PTPRM: variants seen among roughly 807,000 people sequenced by gnomAD.
The protein encoded by PTPRM is protein tyrosine phosphatase receptor type M.
Under a neutral mutation model 186.7 loss-of-function variants are expected in PTPRM, and 47 were observed. The ratio of observed to expected loss-of-function variants is 0.25; its 90% CI spans 0.20 to 0.32. The LOEUF (loss-of-function observed/expected upper bound fraction) is 0.32. Ranked by LOEUF, PTPRM falls within the 10% of genes least tolerant of loss-of-function variation. The pLI is 1.00. For synonymous variants in PTPRM, 668 were observed against 674.9 expected (o/e 0.99, Z 0.16); for missense variants, 1,494 against 1,865.0 (o/e 0.80, Z 3.66).
intron 5 of PTPRM, among the ~76,000 whole-genome samples, chr18:7,943,849 C>A (rs2052352528): frequency 6.6e-6 from 1 of 152,200 alleles, no homozygotes; most frequent in Admixed American, 6.5e-5. Context: ...CTTTCCATCT[C>A]TAGACCCTTA....
At chr18:8,340,143 G>A (rs1264467630) in intron 22 of PTPRM, among the ~76,000 whole-genome samples, 4 of 152,188 alleles carry the variant, frequency 2.6e-5, no homozygotes, top group African/African-American at 2.4e-5. Context: ...CAGAAGGAAC[G>A]GCCGCCAAGT....
At chr18:8,363,235 G>A (rs2095607625) in intron 23 of PTPRM, among the ~76,000 whole-genome samples, 1 of 152,178 alleles carries the variant, frequency 6.6e-6, no homozygotes, top group Non-Finnish European at 1.5e-5. Context: ...AAGGATAATA[G>A]TACTTACCCC....
intron 1 of PTPRM, among the ~76,000 whole-genome samples, chr18:7,590,112 G>A (rs938480872): frequency 1.1e-4 from 16 of 152,188 alleles, no homozygotes; most frequent in African/African-American, 3.4e-4. Flanking sequence ...TTTCCCCTGA[G>A]TGAGTTCTAC....
intron 7 of PTPRM, among the ~76,000 whole-genome samples, chr18:7,988,403 A>T (rs1373430941): frequency 2.6e-5 from 4 of 152,194 alleles, no homozygotes; most frequent in African/African-American, 9.6e-5. Flanking sequence ...TTTTTATTGT[A>T]ATAAAGTATA....
intron 7 of PTPRM, among the ~76,000 whole-genome samples, chr18:7,959,708 G>T (rs1160884317): frequency 6.6e-6 from 1 of 152,196 alleles, no homozygotes; most frequent in Non-Finnish European, 1.5e-5. Context: ...CTAATTTGGG[G>T]CAGCAACACC....
At chr18:7,628,084 C>T (rs756566282) in intron 1 of PTPRM, among the ~76,000 whole-genome samples, 1 of 152,048 alleles carries the variant, frequency 6.6e-6, no homozygotes, top group Non-Finnish European at 1.5e-5. Flanking sequence ...ACCTGGGAGG[C>T]GGAGCTTGCA....
chr18:8,335,369 A>G (rs963810203), intron 22 of PTPRM, among the ~76,000 whole-genome samples: 34 of 152,142 alleles, frequency 2.2e-4, no homozygotes, highest in Admixed American at 1.6e-3. Flanking sequence ...TTTGACTGCC[A>G]CAGGCATCCT....
chr18:8,113,929 G>T (rs1389565671), intron 12 of PTPRM, among the ~76,000 whole-genome samples, 170 bp downstream of exon 12: 2 of 148,024 alleles, frequency 1.4e-5, no homozygotes, highest in Non-Finnish European at 3.0e-5. Flanking sequence ...TTTATGGAAA[G>T]AAACAAATAT....
chr18:7,686,011 A>G (rs1598371079), intron 1 of PTPRM, among the ~76,000 whole-genome samples: 2 of 152,178 alleles, frequency 1.3e-5, no homozygotes, highest in South Asian at 4.1e-4. Context: ...CTGGGCTCAG[A>G]ATAAAGATTG....
At chr18:8,180,504 TTG>T (rs1347968669) in intron 14 of PTPRM, among the ~76,000 whole-genome samples, 1 of 152,218 alleles carries the variant, frequency 6.6e-6, no homozygotes, top group Non-Finnish European at 1.5e-5. Context: ...AGTGCATGTT[TTG>T]ACCTTTGACT....
At chr18:8,220,265 G>C (rs2094139619) in intron 14 of PTPRM, among the ~76,000 whole-genome samples, 1 of 152,198 alleles carries the variant, frequency 6.6e-6, no homozygotes, top group South Asian at 2.1e-4. Context: ...GAACTTTAAA[G>C]TATTTTTAGT....
At chr18:7,837,863 A>G (rs1429771965) in intron 2 of PTPRM, among the ~76,000 whole-genome samples, 3 of 152,178 alleles carry the variant, frequency 2.0e-5, no homozygotes, top group Admixed American at 1.3e-4. Flanking sequence ...GTAGACGCTC[A>G]TCTGTATCCG....
At chr18:8,239,681 A>G (rs2094394027) in intron 14 of PTPRM, among the ~76,000 whole-genome samples, 2 of 152,184 alleles carry the variant, frequency 1.3e-5, no homozygotes, top group Non-Finnish European at 2.9e-5. Flanking sequence ...TTTGGGGGGC[A>G]GTGGTTTGCC....
At chr18:8,133,228 G>A (rs1378464556) in intron 13 of PTPRM, among the ~76,000 whole-genome samples, 1 of 152,052 alleles carries the variant, frequency 6.6e-6, no homozygotes. Context: ...AACTAAATTT[G>A]CAACATGAAT....
chr18:7,779,412 G>A (rs769874081), intron 2 of PTPRM, among the ~76,000 whole-genome samples: 16 of 152,182 alleles, frequency 1.1e-4, no homozygotes, highest in South Asian at 2.1e-4. Flanking sequence ...GTGGGTGCCC[G>A]TATGAAAGAC....
intron 1 of PTPRM, among the ~76,000 whole-genome samples, chr18:7,690,839 T>C (rs1005144672): frequency 5.3e-5 from 8 of 152,222 alleles, no homozygotes; most frequent in African/African-American, 1.9e-4. Context: ...AAAGAGTTAG[T>C]ACTGAGCTTC....
chr18:8,392,583 C>T (rs867796112), intron 31 of PTPRM, among the ~76,000 whole-genome samples: 27 of 151,492 alleles, frequency 1.8e-4, no homozygotes, highest in Admixed American at 9.9e-4. Flanking sequence ...GCCAAGATCG[C>T]GCCACTGCAC....
At chr18:7,621,165 A>G (rs2037928376) in intron 1 of PTPRM, among the ~76,000 whole-genome samples, 1 of 152,242 alleles carries the variant, frequency 6.6e-6, no homozygotes, top group African/African-American at 2.4e-5. Flanking sequence ...AAATATTCAT[A>G]TGAGGCAGTA....
intron 23 of PTPRM, among the ~76,000 whole-genome samples, chr18:8,354,831 G>T (rs2095555317): frequency 6.6e-6 from 1 of 152,206 alleles, no homozygotes; most frequent in Non-Finnish European, 1.5e-5. Flanking sequence ...GTGCAGCAAA[G>T]ATGCAAATGT....
Sources: allele counts gnomAD v4.1 joint callset (sites outside exome capture counted in the v4.1 genomes callset), GRCh38; gene constraint gnomAD v4.1.1; transcripts MANE v1.5; gene names NCBI Gene and HGNC (gene_info 2026-07-23, HGNC 2026-07-21).